FAM161A: variants seen among roughly 807,000 people sequenced by gnomAD.
FAM161A encodes protein FAM161A.
In FAM161A, 57 loss-of-function variants were observed where a neutral mutation model predicts 70.9. That is an observed-to-expected ratio of 0.80 (90% CI 0.65 to 1.00). FAM161A has a LOEUF of 1.00. Ranked by LOEUF, FAM161A falls within the 50% of genes least tolerant of loss-of-function variation. The pLI is 0.00. For missense variants in FAM161A, 880 were observed against 836.0 expected (o/e 1.05, Z -0.65); for synonymous variants, 299 against 295.7 (o/e 1.01, Z -0.12).
intron 1 of FAM161A, among the ~76,000 whole-genome samples, chr2:61,852,113 T>C (rs2105107996): frequency 6.6e-6 from 1 of 152,134 alleles, no homozygotes; most frequent in East Asian, 1.9e-4. Flanking sequence ...TACCCAGCTT[T>C]ACTTTTGGAT....
intron 1 of FAM161A, among the ~76,000 whole-genome samples, chr2:61,844,255 C>T (rs538939762): frequency 1.3e-5 from 2 of 152,220 alleles, no homozygotes; most frequent in Non-Finnish European, 2.9e-5. Flanking sequence ...AGAGAATTCT[C>T]TGATATCTTC....
At chr2:61,833,083 G>A (rs1672642451) in intron 5 of FAM161A, among the ~76,000 whole-genome samples, 1 of 151,888 alleles carries the variant, frequency 6.6e-6, no homozygotes, top group South Asian at 2.1e-4. Flanking sequence ...GTGGGGGGAG[G>A]ACCAAACAAA....
chr2:61,831,625 G>A (rs1672577820), intron 5 of FAM161A, among the ~76,000 whole-genome samples: 1 of 152,184 alleles, frequency 6.6e-6, no homozygotes, highest in African/African-American at 2.4e-5. Flanking sequence ...TCAGATCTGG[G>A]TTTGAATCCT....
intron 5 of FAM161A, among the ~76,000 whole-genome samples, chr2:61,834,963 G>T (rs1672718972): frequency 6.6e-6 from 1 of 152,066 alleles, no homozygotes; most frequent in African/African-American, 2.4e-5. Context: ...AGCTTAAAAT[G>T]ATTTTTCCCC....
At chr2:61,853,825 C>T in intron 1 of FAM161A, 34 bp downstream of exon 1, 1 of 1,612,386 alleles carries the variant, frequency 6.2e-7, no homozygotes, top group Non-Finnish European at 8.5e-7. Flanking sequence ...CCAGCCCATG[C>T]GAGGTCCCAG....
chr2:61,835,941 T>A (rs1299623168), intron 5 of FAM161A, 69 bp downstream of exon 5: 4 of 1,005,776 alleles, frequency 4.0e-6, no homozygotes, highest in Non-Finnish European at 6.1e-6. Flanking sequence ...GGACTGTAAA[T>A]TTAGGAGCTA....
Position 61,838,555 on chromosome 2 carries a change from G to A in FAM161A, c.1734C>T (p.Ser578=), listed in dbSNP as rs954583824. ...SHQSLAQISK[S]RVKCLRKSEK... is the part of the protein sequence containing the mutation. ...CATGATACCTGAGACATTTTACTCT[G>A]GATTTAGATATTTGAGCTAAACTTT... is the stretch of plus-strand genomic sequence containing the variant. Residue 578 remains serine (S), a synonymous_variant, in exon 4 of 7, where the codon TCC becomes TCT. Coordinates refer to ENST00000404929, the MANE Select transcript of FAM161A (RefSeq NM_001201543.2). The A allele has an allele frequency of 1.2e-5, 19 of 1,605,458 alleles. 1 individual carries two copies. Among genetic ancestry groups the A allele is most frequent in the African/African-American group, 5.3e-5 (4 of 74,888 alleles).
the FAM161A span, among the ~76,000 whole-genome samples, chr2:61,807,619 C>T: frequency 6.7e-6 from 1 of 148,488 alleles, no homozygotes; most frequent in African/African-American, 2.5e-5. Flanking sequence ...GGGTTAGCTG[C>T]CTCTGGACTC....
In FAM161A at chr2:61,826,553, T is replaced by G. The variant is rs749622564; in HGVS notation, c.2053A>C (p.Asn685His). The G allele has an allele frequency of 6.2e-7, 1 of 1,601,064 alleles. No individual in the cohort carries two copies. The highest frequency in any genetic ancestry group is 8.5e-7 in the Non-Finnish European group (1 of 1,171,400). The part of the protein sequence containing the change: ...KIEERENGEE[N>H]YFIDTNSQDS... Reference sequence around the variant, plus strand: ...TGGCTGTTGGTATCAATAAAATAATTTTCTTCCCCATTCTCTCTTTCTTCT... The same window carrying G: ...TGGCTGTTGGTATCAATAAAATAATGTTCTTCCCCATTCTCTCTTTCTTCT... The change falls in exon 7 of 7, where the codon AAT becomes CAT. Residue 685 changes from asparagine (N) to histidine (H), a missense_variant. Asn to His is a moderately conservative substitution (Grantham distance 68, BLOSUM62 1). Coordinates refer to ENST00000404929, the MANE Select transcript of FAM161A (RefSeq NM_001201543.2).
At chr2:61,827,940 C>T (rs1672436751) in intron 5 of FAM161A, among the ~76,000 whole-genome samples, 1 of 152,106 alleles carries the variant, frequency 6.6e-6, no homozygotes, top group Admixed American at 6.6e-5. Flanking sequence ...GGATAGATCT[C>T]ACAAATATAA....
the FAM161A span, among the ~76,000 whole-genome samples, chr2:61,816,000 G>A: frequency 6.6e-6 from 1 of 152,118 alleles, no homozygotes; most frequent in Non-Finnish European, 1.5e-5. Context: ...GAAAATCAAT[G>A]TCTTTTCTTG....
the FAM161A span, among the ~76,000 whole-genome samples, chr2:61,804,783 A>AAAGAAAGAAAGAAAGG: frequency 4.0e-5 from 6 of 149,042 alleles, no homozygotes; most frequent in African/African-American, 1.5e-4. Flanking sequence ...AGAAAGAAAG[A>AAAGAAAGAAAGAAAGG]AAGAAAGAAA....
At chr2:61,820,368 T>C (rs1054894890), downstream of FAM161A, 7 of 755,930 alleles carry the variant, frequency 9.3e-6, no homozygotes, top group African/African-American at 1.2e-4. Context: ...CCAGGGGCTT[T>C]GGGTTTGTCA....
Position 61,833,415 on chromosome 2 carries a change from G to C in FAM161A, c.1851+2595C>G, listed in dbSNP as rs1364153223. Among the ~76,000 whole-genome samples the C allele has an allele frequency of 2.3e-5, 3 of 128,758 alleles. No individual in the cohort carries two copies. The Admixed American group carries it at 2.7e-4, about 11-fold the overall frequency. 84.5% of individuals were successfully genotyped at this position (128,758 alleles called of 152,430 possible). On this transcript the variant is annotated intron_variant, in intron 5 of 6. Transcript: ENST00000404929. ...TACTCCAGCCTGGGTGACAGAGTGAGACTCTGTCTCAAAAAAAAAAAAAAA... is the reference window on the plus strand; with the variant it reads ...TACTCCAGCCTGGGTGACAGAGTGACACTCTGTCTCAAAAAAAAAAAAAAA...
chr2:61,810,558 A>G, the FAM161A span, among the ~76,000 whole-genome samples: 4 of 145,450 alleles, frequency 2.8e-5, no homozygotes, highest in Admixed American at 1.4e-4. Context: ...TTCTGGGTTC[A>G]AGCAATTCTC....
chr2:61,826,858 T>C (rs1219097460), intron 6 of FAM161A, among the ~76,000 whole-genome samples: 1 of 152,264 alleles, frequency 6.6e-6, no homozygotes, highest in African/African-American at 2.4e-5. Flanking sequence ...CTATTATTTT[T>C]GTTACTTATG....
the FAM161A span, among the ~76,000 whole-genome samples, chr2:61,804,211 C>T: frequency 1.3e-5 from 2 of 152,130 alleles, no homozygotes; most frequent in African/African-American, 2.4e-5. Context: ...AGGTTACTCT[C>T]GTGGCCATCT....
At chr2:61,845,677 T>C (rs1558489071) in intron 1 of FAM161A, among the ~76,000 whole-genome samples, 1 of 150,896 alleles carries the variant, frequency 6.6e-6, no homozygotes, top group Non-Finnish European at 1.5e-5. Context: ...TTTTAAAAAA[T>C]TAGCTGGATG....
intron 5 of FAM161A, among the ~76,000 whole-genome samples, chr2:61,829,791 C>T (rs1672502216): frequency 6.6e-6 from 1 of 152,120 alleles, no homozygotes; most frequent in Non-Finnish European, 1.5e-5. Flanking sequence ...TTCCAAGAAA[C>T]AGGACAACAT....
Sources: gnomAD v4.1 joint callset for allele counts (sites outside exome capture counted in the v4.1 genomes callset) on GRCh38, gnomAD v4.1.1 for gene constraint, MANE v1.5 for transcripts, NCBI Gene and HGNC (gene_info 2026-07-23, HGNC 2026-07-21) for gene names.